VRK1: variants seen among roughly 807,000 people sequenced by gnomAD.
VRK1 encodes the protein VRK serine/threonine kinase 1, also known as serine/threonine-protein kinase VRK1.
Under a neutral mutation model 57.1 loss-of-function variants are expected in VRK1, and 33 were observed. That is an observed-to-expected ratio of 0.58 (90% CI 0.44 to 0.77). The LOEUF (loss-of-function observed/expected upper bound fraction) is 0.77, where lower values mean the gene tolerates loss of function less well. Among genes scored for constraint, VRK1 ranks in the 30% least tolerant of loss-of-function variants. VRK1 has a pLI of 0.00. For synonymous variants in VRK1, 137 were observed against 147.8 expected (o/e 0.93, Z 0.53); for missense variants, 413 against 477.3 (o/e 0.87, Z 1.25).
intron 1 of VRK1, among the ~76,000 whole-genome samples, chr14:96,827,381 CTTGTTTTT>C (rs2139734299): frequency 6.6e-6 from 1 of 152,162 alleles, no homozygotes; most frequent in Admixed American, 6.5e-5. Flanking sequence ...TTGCCATGTG[CTTGTTTTT>C]TTGTTCGTTT....
intron 2 of VRK1, among the ~76,000 whole-genome samples, chr14:96,836,730 G>C (rs1177292954): frequency 6.6e-6 from 1 of 151,920 alleles, no homozygotes; most frequent in African/African-American, 2.4e-5. Flanking sequence ...GTTTCACCTT[G>C]TTGGCCAGGC....
rs971043275 is a variant in VRK1 at position 96,875,927 on chromosome 14, C to A, written c.1069-103C>A. 7 of 1,231,018 alleles carry A rather than the reference C, an allele frequency of 5.7e-6. No homozygotes were observed. In the Admixed American group the frequency reaches 1.2e-4, roughly 22 times the overall value. 76.3% of individuals were successfully genotyped at this position (1,231,018 alleles called of 1,614,324 possible). On this transcript the variant is annotated intron_variant, in intron 11 of 12. Coordinates refer to ENST00000216639, the MANE Select transcript of VRK1 (RefSeq NM_003384.3). Reference sequence around the variant, plus strand: ...CTTCCTGTGTGTTTTGACACACCCACACCTATATACATTTATACACACACA... The same window carrying A: ...CTTCCTGTGTGTTTTGACACACCCAAACCTATATACATTTATACACACACA...
intron 11 of VRK1, among the ~76,000 whole-genome samples, chr14:96,866,514 C>A (rs1414029621): frequency 6.6e-6 from 1 of 152,116 alleles, no homozygotes; most frequent in African/African-American, 2.4e-5. Flanking sequence ...TGTGGCAGTT[C>A]CCTGTTTACT....
At chr14:96,820,600 G>C (rs1033177411) in intron 1 of VRK1, among the ~76,000 whole-genome samples, 2 of 152,134 alleles carry the variant, frequency 1.3e-5, no homozygotes, top group African/African-American at 4.8e-5. Context: ...TTTGCTTTTT[G>C]TCTAACATCA....
chr14:96,801,252 A>T (rs79399248), intron 1 of VRK1, among the ~76,000 whole-genome samples: 7,473 of 152,296 alleles, frequency 0.049, 249 homozygotes, highest in Non-Finnish European at 0.069. Context: ...CATAGCTAAG[A>T]TAACCACAGC....
chr14:96,820,147 AT>A (rs1359152801), intron 1 of VRK1, among the ~76,000 whole-genome samples: 1 of 91,254 alleles, frequency 1.1e-5, no homozygotes, highest in East Asian at 2.0e-4. Flanking sequence ...GTTGTATAAA[AT>A]TCACTTTCAT....
At chr14:96,829,523 A>G (rs954133778) in intron 1 of VRK1, among the ~76,000 whole-genome samples, 1 of 152,088 alleles carries the variant, frequency 6.6e-6, no homozygotes, top group East Asian at 1.9e-4. Context: ...CAAGTACAGC[A>G]TTTTTACCTT....
intron 1 of VRK1, among the ~76,000 whole-genome samples, chr14:96,809,139 C>G (rs1183952262): frequency 6.6e-6 from 1 of 152,170 alleles, no homozygotes; most frequent in Non-Finnish European, 1.5e-5. Context: ...CATGTGGGGT[C>G]AGGAGGTTTT....
At chr14:96,844,605 G>A (rs1265769105) in intron 3 of VRK1, among the ~76,000 whole-genome samples, 1 of 152,116 alleles carries the variant, frequency 6.6e-6, no homozygotes, top group African/African-American at 2.4e-5. Context: ...GCAGTGGCAC[G>A]ATCTTAGCTT....
At chr14:96,856,084 T>C in intron 8 of VRK1, 46 bp from the exon 9 acceptor site, 1 of 1,603,414 alleles carries the variant, frequency 6.2e-7, no homozygotes, top group Non-Finnish European at 8.5e-7. Flanking sequence ...AATTATACAT[T>C]AAAAATTATT....
At chr14:96,799,236 A>G (rs1885560294) in intron 1 of VRK1, among the ~76,000 whole-genome samples, 1 of 152,244 alleles carries the variant, frequency 6.6e-6, no homozygotes, top group African/African-American at 2.4e-5. Flanking sequence ...GTTTTATTCC[A>G]GTATGCAAGT....
At chr14:96,806,426 C>T (rs1299531743) in intron 1 of VRK1, among the ~76,000 whole-genome samples, 4 of 152,218 alleles carry the variant, frequency 2.6e-5, no homozygotes, top group Non-Finnish European at 4.4e-5. Flanking sequence ...CAAACCTGTT[C>T]AGACATTGTC....
At chr14:96,879,259 T>A (rs575026720) in intron 12 of VRK1, among the ~76,000 whole-genome samples, 2 of 152,160 alleles carry the variant, frequency 1.3e-5, no homozygotes, top group African/African-American at 4.8e-5. Flanking sequence ...TTTGTAACAA[T>A]CAGAATTGAT....
intron 2 of VRK1, among the ~76,000 whole-genome samples, chr14:96,834,311 T>A (rs1054569488): frequency 3.3e-5 from 5 of 152,188 alleles, no homozygotes; most frequent in African/African-American, 1.2e-4. Flanking sequence ...AATCTCAGAT[T>A]AATTAATTAA....
rs758767972 is a variant in VRK1 at position 96,860,539 on chromosome 14, A to AAAG, written c.890-18_890-17insAAG. The AAAG allele has an allele frequency of 6.2e-7, 1 of 1,605,342 alleles. No homozygotes were observed. The highest frequency in any genetic ancestry group is 8.5e-7 in the Non-Finnish European group (1 of 1,173,388). On this transcript the variant is annotated splice_polypyrimidine_tract_variant and intron_variant, in intron 10 of 12. Transcript: ENST00000216639. ...GAAATATATTGAAAGTTATAAAATGATTGTGTTATTCTTTTAGGTGAAATT... is the reference window on the plus strand; with the variant it reads ...GAAATATATTGAAAGTTATAAAATGAAAGTTGTGTTATTCTTTTAGGTGAAATT...
At chr14:96,812,157 A>C (rs924331305) in intron 1 of VRK1, among the ~76,000 whole-genome samples, 1 of 152,180 alleles carries the variant, frequency 6.6e-6, no homozygotes, top group Non-Finnish European at 1.5e-5. Flanking sequence ...GTATAGGTGT[A>C]CCAAATTTGA....
At chr14:96,849,442 A>G (rs1387470894) in intron 5 of VRK1, among the ~76,000 whole-genome samples, 1 of 150,320 alleles carries the variant, frequency 6.7e-6, no homozygotes, top group Non-Finnish European at 1.5e-5. Context: ...TTGAGTATAA[A>G]CGTCTTAAAA....
chr14:96,819,877 G>A (rs1392389927), intron 1 of VRK1, among the ~76,000 whole-genome samples: 3 of 152,162 alleles, frequency 2.0e-5, no homozygotes, highest in African/African-American at 7.2e-5. Flanking sequence ...GTGCAGTCGG[G>A]CGTTACCCTG....
intron 3 of VRK1, among the ~76,000 whole-genome samples, chr14:96,844,389 A>G (rs918047611): frequency 2.6e-5 from 4 of 152,188 alleles, no homozygotes; most frequent in Admixed American, 1.3e-4. Flanking sequence ...CTGTCTTCCA[A>G]GGTTAAGGTG....
Sources: gnomAD v4.1 joint callset for allele counts (sites outside exome capture counted in the v4.1 genomes callset) on GRCh38, gnomAD v4.1.1 for gene constraint, MANE v1.5 for transcripts, NCBI Gene and HGNC (gene_info 2026-07-23, HGNC 2026-07-21) for gene names.